Variants in NPTN observed in about 807,000 individuals in gnomAD.
NPTN encodes the protein SDR-1.
In NPTN, 5 loss-of-function variants were observed where a neutral mutation model predicts 42.7. The observed-to-expected ratio is 0.12, with a 90% CI of 0.06 to 0.25. NPTN has a LOEUF of 0.25. NPTN is among the 10% of genes least tolerant of loss of function. NPTN has a pLI of 1.00. For synonymous variants in NPTN, 180 were observed against 201.9 expected (o/e 0.89, Z 0.92); for missense variants, 307 against 525.4 (o/e 0.58, Z 4.06).
At chr15:73,566,998 G>A (rs1895054588) in intron 6 of NPTN, 4 of 881,382 alleles carry the variant, frequency 4.5e-6, no homozygotes, top group South Asian at 5.6e-5. Context: ...AAAAAGACAT[G>A]GGGCTTTTTT....
intron 1 of NPTN, among the ~76,000 whole-genome samples, chr15:73,618,606 T>C (rs1897977032): frequency 6.6e-6 from 1 of 152,208 alleles, no homozygotes; most frequent in Non-Finnish European, 1.5e-5. Flanking sequence ...CTGGGTGCAG[T>C]GGCTCAAGCC....
chr15:73,595,680 A>C (rs1253730915), intron 2 of NPTN, among the ~76,000 whole-genome samples: 1 of 152,172 alleles, frequency 6.6e-6, no homozygotes, highest in African/African-American at 2.4e-5. Flanking sequence ...TAGATCTCTC[A>C]TTGTGTCCTC....
intron 1 of NPTN, among the ~76,000 whole-genome samples, chr15:73,629,700 C>A (rs1258919322): frequency 2.0e-5 from 3 of 152,042 alleles, no homozygotes; most frequent in Non-Finnish European, 4.4e-5. Flanking sequence ...TTTTTACACA[C>A]CACTCCACAT....
chr15:73,600,737 C>A (rs764957727), intron 1 of NPTN, among the ~76,000 whole-genome samples: 4 of 152,124 alleles, frequency 2.6e-5, no homozygotes, highest in Non-Finnish European at 5.9e-5. Context: ...AAGCCAGGAA[C>A]CTTTGACCAA....
In NPTN at chr15:73,632,323, TC is replaced by T. The variant is rs1048791248; in HGVS notation, c.91+801del. 1.2e-4 allele frequency among the ~76,000 whole-genome samples: 17 copies of T among 147,282 alleles called. 1 individual carries two copies. The Admixed American group carries it at 1.2e-3, about 10-fold the overall frequency. ...CTAATAAATATTCCCCCACCTCAGT[TC>T]CAACCCTTTCCCTCCATCCTCTGCT... On this transcript the variant is annotated intron_variant, in intron 1 of 8. Transcript: ENST00000345330.
rs1016875930 is a variant in NPTN, at chr15:73,571,533, C to A, written c.841-1110G>T. On this transcript the variant is annotated intron_variant, in intron 5 of 8. Coordinates refer to ENST00000345330, the MANE Select transcript of NPTN (RefSeq NM_012428.4). Reference sequence around the variant, plus strand: ...TGCTGGAAAGAGTCAGGGAAAGCTTCACACATGAGCTAACATTTGCACTAG... The same window carrying A: ...TGCTGGAAAGAGTCAGGGAAAGCTTAACACATGAGCTAACATTTGCACTAG... Among the ~76,000 whole-genome samples the A allele has an allele frequency of 3.3e-5, 5 of 152,148 alleles. No individual in the cohort carries two copies. The East Asian group carries it at 7.7e-4, about 23-fold the overall frequency.
chr15:73,564,714 C>T (rs576751017), intron 6 of NPTN, among the ~76,000 whole-genome samples: 35 of 152,244 alleles, frequency 2.3e-4, no homozygotes, highest in African/African-American at 8.4e-4. Context: ...ATTCTCCCCT[C>T]ACAACATCCT....
At chr15:73,606,060 C>CA (rs1452665115) in intron 1 of NPTN, among the ~76,000 whole-genome samples, 5 of 151,738 alleles carry the variant, frequency 3.3e-5, no homozygotes, top group Non-Finnish European at 5.9e-5. Flanking sequence ...AACTACTTCT[C>CA]AAAAAAAATA....
intron 4 of NPTN, among the ~76,000 whole-genome samples, chr15:73,578,623 G>GA: frequency 6.6e-6 from 1 of 152,316 alleles, no homozygotes; most frequent in Middle Eastern, 3.4e-3. Context: ...AAAAGACTGA[G>GA]AAACAGTGGT....
At chr15:73,588,669 G>T (rs1490728969) in intron 3 of NPTN, among the ~76,000 whole-genome samples, 9 of 152,168 alleles carry the variant, frequency 5.9e-5, no homozygotes, top group Admixed American at 5.9e-4. Context: ...ATCACTCTTA[G>T]TCTACCTAAC....
chr15:73,628,275 A>T (rs1898534045), intron 1 of NPTN, among the ~76,000 whole-genome samples: 1 of 152,192 alleles, frequency 6.6e-6, no homozygotes, highest in Non-Finnish European at 1.5e-5. Flanking sequence ...CTCCTCAAAC[A>T]AAGATTCATT....
chr15:73,613,761 C>T (rs1329277238), intron 1 of NPTN, among the ~76,000 whole-genome samples: 2 of 152,096 alleles, frequency 1.3e-5, no homozygotes, highest in East Asian at 1.9e-4. Flanking sequence ...TCTCAGCTCA[C>T]TGCAACCTCT....
intron 4 of NPTN, among the ~76,000 whole-genome samples, chr15:73,578,384 G>GT (rs1173820642): frequency 6.6e-6 from 1 of 152,136 alleles, no homozygotes; most frequent in Non-Finnish European, 1.5e-5. Context: ...CATGGGGGCA[G>GT]TAACAGTGGA....
intron 1 of NPTN, among the ~76,000 whole-genome samples, chr15:73,601,660 AT>A (rs1301775670): frequency 2.0e-5 from 3 of 152,210 alleles, no homozygotes; most frequent in African/African-American, 7.2e-5. Flanking sequence ...AAAACCCTAA[AT>A]TTTGTAAGAC....
chr15:73,580,615 T>TTATATATG lies in NPTN; in HGVS notation c.707-6828_707-6821dup, dbSNP rs1159208603. ...ATATATGTATATATGTATATACATG[T>TTATATATG]TATATATGTATATATGTATATACAT... is the stretch of plus-strand genomic sequence containing the variant. On this transcript the variant is annotated intron_variant, in intron 4 of 8. Transcript: ENST00000345330. Among the ~76,000 whole-genome samples the TTATATATG allele has an allele frequency of 3.3e-3, 479 of 145,164 alleles. 4 individuals are homozygous for TTATATATG. Among genetic ancestry groups the TTATATATG allele is most frequent in the Middle Eastern group, 0.033 (9 of 276 alleles).
At chr15:73,596,282 G>A (rs1233244360) in intron 2 of NPTN, among the ~76,000 whole-genome samples, 3 of 152,240 alleles carry the variant, frequency 2.0e-5, no homozygotes, top group African/African-American at 7.2e-5. Flanking sequence ...TGCTGCAGTA[G>A]AGGGCTGTTA....
intron 1 of NPTN, among the ~76,000 whole-genome samples, chr15:73,605,214 G>A (rs1200253106): frequency 6.6e-6 from 1 of 151,934 alleles, no homozygotes; most frequent in Non-Finnish European, 1.5e-5. Flanking sequence ...GAAGGAGGGG[G>A]ATGTCTACTG....
intron 1 of NPTN, among the ~76,000 whole-genome samples, chr15:73,617,336 A>G (rs1473298707): frequency 6.6e-6 from 1 of 152,244 alleles, no homozygotes; most frequent in Non-Finnish European, 1.5e-5. Flanking sequence ...ATCCTTTCAT[A>G]ATTTTTAAAA....
chr15:73,569,585 A>G lies in NPTN; in HGVS notation c.1114+565T>C. ...ACCCAGCAGAGAGCGCTGGAAACCT[A>G]TCAAAGGGACCAACCAAGGAACCAA... On this transcript the variant is annotated intron_variant, in intron 6 of 8. Coordinates refer to ENST00000345330, the MANE Select transcript of NPTN (RefSeq NM_012428.4). The surrounding 1 kb of genome is among the most constrained non-coding windows in gnomAD (Gnocchi z 4.1). 10 of 985,434 alleles carry G rather than the reference A, an allele frequency of 1.0e-5. No individual in the cohort carries two copies. Among genetic ancestry groups the G allele is most frequent in the Non-Finnish European group, 1.2e-5 (10 of 829,928 alleles). 61.0% of individuals were successfully genotyped at this position (985,434 alleles called of 1,614,324 possible). A position where few individuals can be genotyped will look rare whatever the true frequency, so the allele number is the denominator to read the frequency against.
Sources: gnomAD v4.1 joint callset for allele counts (sites outside exome capture counted in the v4.1 genomes callset) on GRCh38, gnomAD v4.1.1 for gene constraint, Gnocchi (gnomAD v3.1) non-coding constraint, MANE v1.5 for transcripts, NCBI Gene and HGNC (gene_info 2026-07-23, HGNC 2026-07-21) for gene names.